Variants in STK10 observed in about 807,000 individuals in gnomAD.
The protein encoded by STK10 is serine/threonine-protein kinase 10.
A neutral mutation model predicts 113.8 loss-of-function variants in STK10; 78 were observed. The observed-to-expected ratio is 0.69, with a 90% CI of 0.57 to 0.83. The LOEUF (loss-of-function observed/expected upper bound fraction) is 0.83, where lower values mean the gene tolerates loss of function less well. STK10 is among the 40% of genes least tolerant of loss of function. The probability of loss-of-function intolerance (pLI) is 0.00; values close to 1 mark genes in which losing one functional copy is unlikely to be tolerated. For missense variants in STK10, 1,109 were observed against 1,280.1 expected (o/e 0.87, Z 2.04); for synonymous variants, 465 against 494.7 (o/e 0.94, Z 0.80).
Position 172,060,653 on chromosome 5 carries a change from T to C in STK10, c.2212+486A>G, listed in dbSNP as rs2113701512. 1.3e-5 allele frequency among the ~76,000 whole-genome samples: 2 copies of C among 152,328 alleles called. 1 individual carries two copies. Among genetic ancestry groups the C allele is most frequent in the African/African-American group, 4.8e-5 (2 of 41,576 alleles). On this transcript the variant is annotated intron_variant, in intron 14 of 18. Transcript: ENST00000176763. ...TGATAAGCCACCCAGTCAGTGGTAT[T>C]TTGTTACAGCAGCCTGAATGAACTA...
intron 12 of STK10, among the ~76,000 whole-genome samples, chr5:172,068,184 C>CA (rs1272048469): frequency 5.9e-5 from 9 of 152,012 alleles, no homozygotes; most frequent in East Asian, 1.9e-4. Context: ...ACTAAAAATA[C>CA]AAAAAAATTA....
intron 2 of STK10, among the ~76,000 whole-genome samples, chr5:172,134,747 A>G (rs1378983715): frequency 5.5e-5 from 1 of 18,026 alleles, no homozygotes; most frequent in Non-Finnish European, 1.3e-4. Flanking sequence ...CATATTTACA[A>G]AAAAAAAAAA....
intron 8 of STK10, among the ~76,000 whole-genome samples, chr5:172,094,349 A>G (rs1325582338): frequency 2.0e-5 from 3 of 151,812 alleles, no homozygotes; most frequent in Non-Finnish European, 2.9e-5. Context: ...TTTAATTTTA[A>G]TTTTTTATTT....
chr5:172,127,064 A>G (rs1057459976), intron 3 of STK10, among the ~76,000 whole-genome samples: 1 of 152,150 alleles, frequency 6.6e-6, no homozygotes, highest in Non-Finnish European at 1.5e-5. Context: ...GCTACTCAGG[A>G]GGCTGAGGCA....
At chr5:172,062,574 A>G (rs554920478) in intron 13 of STK10, among the ~76,000 whole-genome samples, 1 of 152,354 alleles carries the variant, frequency 6.6e-6, no homozygotes, top group East Asian at 1.9e-4. Flanking sequence ...CTTAAAAAGG[A>G]AGGAAATTCT....
At chr5:172,118,479 G>A (rs889179645) in intron 3 of STK10, among the ~76,000 whole-genome samples, 6 of 152,140 alleles carry the variant, frequency 3.9e-5, no homozygotes, top group Admixed American at 2.6e-4. Flanking sequence ...CTGCCCAGAG[G>A]AAATGACATT....
At chr5:172,071,381 C>A in intron 12 of STK10, among the ~76,000 whole-genome samples, 1 of 131,374 alleles carries the variant, frequency 7.6e-6, no homozygotes, top group Admixed American at 8.0e-5. Context: ...GTTCTCTGGA[C>A]ACAGCAACTA....
intron 1 of STK10, among the ~76,000 whole-genome samples, chr5:172,170,013 G>A (rs776612855): frequency 2.0e-5 from 3 of 151,772 alleles, no homozygotes; most frequent in Non-Finnish European, 4.4e-5. Flanking sequence ...GGTTGTTACT[G>A]TTCTCTCTTG....
At chr5:172,140,951 G>A (rs1769959319) in intron 2 of STK10, among the ~76,000 whole-genome samples, 1 of 152,016 alleles carries the variant, frequency 6.6e-6, no homozygotes, top group South Asian at 2.1e-4. Flanking sequence ...AGGAAATTCC[G>A]CAAAGTGAGA....
At chr5:172,154,616 G>C (rs1223673415) in intron 2 of STK10, among the ~76,000 whole-genome samples, 1 of 152,154 alleles carries the variant, frequency 6.6e-6, no homozygotes, top group Non-Finnish European at 1.5e-5. Context: ...GGAAAGAAAT[G>C]GTCTTGGCCA....
chr5:172,121,024 TTTC>T (rs1769499536), intron 3 of STK10, among the ~76,000 whole-genome samples: 1 of 149,536 alleles, frequency 6.7e-6, no homozygotes, highest in South Asian at 2.1e-4. Flanking sequence ...TGTTGTTGGG[TTTC>T]TTTCCTTTTT....
intron 12 of STK10, among the ~76,000 whole-genome samples, chr5:172,073,542 C>T (rs913647449): frequency 6.6e-6 from 1 of 152,106 alleles, no homozygotes; most frequent in Non-Finnish European, 1.5e-5. Context: ...AAGTGATCCT[C>T]CCATCTCAGT....
chr5:172,046,549 G>A (rs1284729798), intron 18 of STK10, among the ~76,000 whole-genome samples: 2 of 152,126 alleles, frequency 1.3e-5, no homozygotes, highest in Non-Finnish European at 2.9e-5. Context: ...AACTAGTAAT[G>A]GAGGAGTTAG....
At chr5:172,152,742 G>A (rs1655509053) in intron 2 of STK10, among the ~76,000 whole-genome samples, 1 of 152,166 alleles carries the variant, frequency 6.6e-6, no homozygotes, top group African/African-American at 2.4e-5. Flanking sequence ...TAAATTTTAT[G>A]ACATCTAAAC....
chr5:172,145,543 G>C (rs1441354654), intron 2 of STK10, among the ~76,000 whole-genome samples: 1 of 152,216 alleles, frequency 6.6e-6, no homozygotes. Flanking sequence ...ACTTCCCTAA[G>C]GGCAACCCCC....
chr5:172,166,901 C>A (rs923436121), intron 1 of STK10, among the ~76,000 whole-genome samples: 1 of 152,044 alleles, frequency 6.6e-6, no homozygotes, highest in Non-Finnish European at 1.5e-5. Flanking sequence ...GTGGCTCGTG[C>A]CTGTAATCCC....
chr5:172,172,423 G>A (rs17074396), intron 1 of STK10, among the ~76,000 whole-genome samples: 6,061 of 152,252 alleles, frequency 0.04, 366 homozygotes, highest in African/African-American at 0.13. Flanking sequence ...AGCTATACCC[G>A]TGTTCCACCA....
At chr5:172,057,060 A>AG in intron 15 of STK10, 1 of 246,296 alleles carries the variant, frequency 4.1e-6, no homozygotes, top group Non-Finnish European at 7.7e-6. Flanking sequence ...AAAAGAAGAA[A>AG]GGGAAAAAAA....
chr5:172,139,257 G>T (rs1387557830), intron 2 of STK10, among the ~76,000 whole-genome samples: 1 of 152,086 alleles, frequency 6.6e-6, no homozygotes, highest in Non-Finnish European at 1.5e-5. Context: ...GAAAAACAAA[G>T]GTGAAGGTCG....
Sources: allele counts gnomAD v4.1 joint callset (sites outside exome capture counted in the v4.1 genomes callset), GRCh38; gene constraint gnomAD v4.1.1; transcripts MANE v1.5; gene names NCBI Gene and HGNC (gene_info 2026-07-23, HGNC 2026-07-21).